Variants in ARHGAP12 observed in about 807,000 individuals in gnomAD.
ARHGAP12 encodes the protein Rho GTPase activating protein 12.
Under a neutral mutation model 108.6 loss-of-function variants are expected in ARHGAP12, and 64 were observed. The ratio of observed to expected loss-of-function variants is 0.59; its 90% CI spans 0.48 to 0.73. The LOEUF (loss-of-function observed/expected upper bound fraction) is 0.73, where lower values mean the gene tolerates loss of function less well. Among genes scored for constraint, ARHGAP12 ranks in the 30% least tolerant of loss-of-function variants. The probability of loss-of-function intolerance (pLI) is 0.00; values close to 1 mark genes in which losing one functional copy is unlikely to be tolerated. For synonymous variants in ARHGAP12, 312 were observed against 337.2 expected, an observed-to-expected ratio of 0.93 and a Z score of 0.82; for missense variants, 940 against 1,005.9, an observed-to-expected ratio of 0.93 and a Z score of 0.89.
At chr10:31,888,915 CTT>C (rs35366983) in intron 3 of ARHGAP12, among the ~76,000 whole-genome samples, 4 of 146,948 alleles carry the variant, frequency 2.7e-5, no homozygotes, top group Non-Finnish European at 4.5e-5. Flanking sequence ...CATAAGAGGA[CTT>C]TTTTTTTTTG....
intron 3 of ARHGAP12, among the ~76,000 whole-genome samples, chr10:31,880,169 A>C (rs755859277): frequency 6.6e-6 from 1 of 152,228 alleles, no homozygotes; most frequent in Non-Finnish European, 1.5e-5. Context: ...TAGATGTCAC[A>C]GTTTTTGCCT....
intron 1 of ARHGAP12, among the ~76,000 whole-genome samples, chr10:31,925,094 T>C (rs1353468288): frequency 2.0e-5 from 3 of 152,176 alleles, no homozygotes; most frequent in African/African-American, 7.2e-5. Flanking sequence ...AGCTTATTAG[T>C]AGTACATACT....
chr10:31,926,639 T>C (rs1373614526), intron 1 of ARHGAP12, among the ~76,000 whole-genome samples: 7 of 152,238 alleles, frequency 4.6e-5, no homozygotes, highest in Non-Finnish European at 8.8e-5. Flanking sequence ...TAGTTTTTAC[T>C]CCATTTAAAA....
intron 3 of ARHGAP12, among the ~76,000 whole-genome samples, chr10:31,865,455 T>C (rs1312719220): frequency 6.6e-6 from 1 of 151,940 alleles, no homozygotes; most frequent in Non-Finnish European, 1.5e-5. Context: ...AAGAAAAGAA[T>C]GGAAAGAGAA....
In ARHGAP12 at chr10:31,908,872, C is replaced by T. The variant is rs764386693; in HGVS notation, c.-17G>A. ...CATTTTCATTCAATAATATTCACCT[C>T]TCAAAAAGGATGTTATACCACATTA... On this transcript the variant is annotated 5_prime_UTR_variant, in exon 3 of 20. Coordinates refer to ENST00000344936, the MANE Select transcript of ARHGAP12 (RefSeq NM_018287.7). 21 of 1,559,454 alleles carry T rather than the reference C, an allele frequency of 1.3e-5. No individual in the cohort carries two copies. Among genetic ancestry groups the T allele is most frequent in the Non-Finnish European group, 1.5e-5 (17 of 1,159,428 alleles).
At chr10:31,882,762 G>A (rs1838024966) in intron 3 of ARHGAP12, among the ~76,000 whole-genome samples, 1 of 149,428 alleles carries the variant, frequency 6.7e-6, no homozygotes, top group South Asian at 2.1e-4. Context: ...GCAGTGAGCT[G>A]AGATCACACC....
intron 13 of ARHGAP12, among the ~76,000 whole-genome samples, chr10:31,816,290 T>G (rs1044648379): frequency 6.6e-6 from 1 of 151,456 alleles, no homozygotes; most frequent in Non-Finnish European, 1.5e-5. Flanking sequence ...AAAATCCACT[T>G]TTTCTGCAAG....
intron 9 of ARHGAP12, among the ~76,000 whole-genome samples, chr10:31,838,718 C>A (rs947759139): frequency 6.6e-6 from 1 of 151,352 alleles, no homozygotes; most frequent in Admixed American, 6.6e-5. Context: ...GTGATCCCAG[C>A]TACTCGGCAG....
intron 9 of ARHGAP12, among the ~76,000 whole-genome samples, chr10:31,834,133 A>G (rs529423422): frequency 1.8e-4 from 28 of 152,290 alleles, no homozygotes; most frequent in African/African-American, 2.4e-4. Flanking sequence ...GTAGCTGGTA[A>G]TATCTCCACT....
chr10:31,845,733 C>T (rs996396645), intron 6 of ARHGAP12, among the ~76,000 whole-genome samples: 2 of 151,876 alleles, frequency 1.3e-5, no homozygotes, highest in Non-Finnish European at 2.9e-5. Flanking sequence ...TGCAGCGAAC[C>T]GAAATTTCAC....
chr10:31,890,267 A>C (rs901310186), intron 3 of ARHGAP12, among the ~76,000 whole-genome samples: 2 of 152,202 alleles, frequency 1.3e-5, no homozygotes, highest in African/African-American at 4.8e-5. Context: ...AATTTTAAAA[A>C]AGTAAAATAA....
At chr10:31,840,546 A>C (rs1045139702) in intron 7 of ARHGAP12, among the ~76,000 whole-genome samples, 2 of 152,124 alleles carry the variant, frequency 1.3e-5, no homozygotes, top group Admixed American at 6.5e-5. Context: ...GAATTTTTTA[A>C]ATCATACACC....
chr10:31,870,837 A>C (rs979809604), intron 3 of ARHGAP12, among the ~76,000 whole-genome samples: 6 of 152,206 alleles, frequency 3.9e-5, no homozygotes, highest in African/African-American at 1.4e-4. Context: ...TTCCTGTCTA[A>C]AGCGTGACTG....
At chr10:31,882,135 C>T (rs1837995155) in intron 3 of ARHGAP12, among the ~76,000 whole-genome samples, 1 of 151,938 alleles carries the variant, frequency 6.6e-6, no homozygotes, top group African/African-American at 2.4e-5. Context: ...GGGATGGTCT[C>T]GATCTCCTGA....
intron 10 of ARHGAP12, chr10:31,826,866 C>T (rs1322932106): frequency 6.5e-6 from 1 of 153,316 alleles, no homozygotes; most frequent in African/African-American, 2.4e-5. Context: ...GTAGTAGGTA[C>T]TAGGTGCATT....
At chr10:31,876,706 C>T (rs1031372037) in intron 3 of ARHGAP12, among the ~76,000 whole-genome samples, 1 of 152,126 alleles carries the variant, frequency 6.6e-6, no homozygotes, top group Non-Finnish European at 1.5e-5. Context: ...ATAACCCCAT[C>T]CCCAGGAAGA....
At chr10:31,908,063 A>G in intron 3 of ARHGAP12, 109 bp downstream of exon 3, 1 of 1,119,394 alleles carries the variant, frequency 8.9e-7, no homozygotes, top group Non-Finnish European at 1.2e-6. Flanking sequence ...TGTACTCTGA[A>G]AATACAAAGC....
intron 1 of ARHGAP12, among the ~76,000 whole-genome samples, chr10:31,925,350 ACTT>A (rs1243208599): frequency 9.2e-5 from 14 of 152,174 alleles, no homozygotes; most frequent in African/African-American, 2.4e-4. Context: ...CTAAAAATAA[ACTT>A]CTTATTTTAA....
intron 9 of ARHGAP12, among the ~76,000 whole-genome samples, chr10:31,837,776 C>T (rs1162341850): frequency 1.3e-5 from 2 of 152,132 alleles, no homozygotes; most frequent in African/African-American, 4.8e-5. Context: ...TCTGAAGTAT[C>T]CTAATAAATA....
Sources: gnomAD v4.1 joint callset for allele counts (sites outside exome capture counted in the v4.1 genomes callset) on GRCh38, gnomAD v4.1.1 for gene constraint, MANE v1.5 for transcripts, NCBI Gene and HGNC (gene_info 2026-07-23, HGNC 2026-07-21) for gene names.